CHSY1: variants seen among roughly 807,000 people sequenced by gnomAD.
The protein encoded by CHSY1 is N-acetylgalactosaminyl-proteoglycan 3-beta-glucuronosyltransferase 1.
CHSY1 carries 13 observed loss-of-function variants against 59.8 expected under a neutral mutation model. The ratio of observed to expected loss-of-function variants is 0.22; its 90% CI spans 0.14 to 0.35. The LOEUF (loss-of-function observed/expected upper bound fraction) is 0.35. Among genes scored for constraint, CHSY1 ranks in the 10% least tolerant of loss-of-function variants. CHSY1 has a pLI of 1.00. For synonymous variants in CHSY1, 459 were observed against 401.2 expected (o/e 1.14, Z -1.72); for missense variants, 947 against 1,030.6 (o/e 0.92, Z 1.11).
At chr15:101,243,505 AAC>A (rs1020239635) in intron 1 of CHSY1, among the ~76,000 whole-genome samples, 5 of 152,068 alleles carry the variant, frequency 3.3e-5, no homozygotes, top group African/African-American at 1.2e-4. Context: ...AGCCCACCTA[AAC>A]ACAGTCACCA....
Position 101,176,379 on chromosome 15 carries a change from T to C in CHSY1, c.*1009A>G, listed in dbSNP as rs2038188524. The C allele has an allele frequency of 5.0e-6, 2 of 398,530 alleles. No homozygotes were observed. The highest frequency in any genetic ancestry group is 8.8e-6 in the Non-Finnish European group (2 of 226,054). 24.7% of individuals were successfully genotyped at this position (398,530 alleles called of 1,614,324 possible). A position where few individuals can be genotyped will look rare whatever the true frequency, so the allele number is the denominator to read the frequency against. ...GTTTTGATTAGGGTGTATGTGTGTA[T>C]GTTTCAGTCTGTGTACATCAGATTT... On this transcript the variant is annotated 3_prime_UTR_variant, in exon 3 of 3. Coordinates refer to ENST00000254190, the MANE Select transcript of CHSY1 (RefSeq NM_014918.5).
chr15:101,229,450 T>C (rs2038871875), intron 2 of CHSY1, among the ~76,000 whole-genome samples: 1 of 152,102 alleles, frequency 6.6e-6, no homozygotes. Context: ...CAGACAAAAA[T>C]TGTTACTAGA....
chr15:101,177,301 T>TAA lies in CHSY1; in HGVS notation c.*86_*87insTT. The TAA allele has an allele frequency of 7.9e-7, 1 of 1,262,334 alleles. No individual in the cohort carries two copies. 78.2% of individuals were successfully genotyped at this position (1,262,334 alleles called of 1,614,324 possible). A position where few individuals can be genotyped will look rare whatever the true frequency, so the allele number is the denominator to read the frequency against. On this transcript the variant is annotated 3_prime_UTR_variant, in exon 3 of 3. Transcript: ENST00000254190. ...AAACCACTTGTAAAATATATCCTTG[T>TAA]ATACGGACTTCAAAAACTGATCATA...
At chr15:101,212,031 C>T (rs2038687520) in intron 2 of CHSY1, among the ~76,000 whole-genome samples, 1 of 151,906 alleles carries the variant, frequency 6.6e-6, no homozygotes, top group Admixed American at 6.6e-5. Context: ...AAAAGACAGG[C>T]ACATGATCAA....
At chr15:101,236,241 C>A (rs942339575) in intron 1 of CHSY1, among the ~76,000 whole-genome samples, 2 of 152,144 alleles carry the variant, frequency 1.3e-5, no homozygotes, top group South Asian at 4.1e-4. Context: ...AAGGCTGATA[C>A]GGTTTGGCTG....
intron 2 of CHSY1, among the ~76,000 whole-genome samples, chr15:101,216,458 C>G (rs1403332374): frequency 2.0e-5 from 3 of 152,200 alleles, no homozygotes; most frequent in African/African-American, 7.2e-5. Context: ...TTTATAGCAG[C>G]TTTATTCCTA....
rs555234695 is a variant in CHSY1 at position 101,249,503 on chromosome 15, A to C, written c.320+1634T>G. On this transcript the variant is annotated intron_variant, in intron 1 of 2. Transcript: ENST00000254190. The stretch of plus-strand genomic sequence containing the variant: ...TATGTATCTCTATCTATCGATCGAT[A>C]GATAGAATTTTTTTTTTTTTTTTTT... Among the ~76,000 whole-genome samples, 234 of 144,108 alleles carry C rather than the reference A, an allele frequency of 1.6e-3. 2 individuals carry two copies. Among genetic ancestry groups the C allele is most frequent in the African/African-American group, 5.9e-3 (222 of 37,708 alleles). 94.5% of individuals were successfully genotyped at this position (144,108 alleles called of 152,430 possible).
intron 1 of CHSY1, among the ~76,000 whole-genome samples, chr15:101,243,925 A>G (rs1437325663): frequency 6.6e-6 from 1 of 152,184 alleles, no homozygotes; most frequent in Non-Finnish European, 1.5e-5. Context: ...CTTTGCGCCT[A>G]TGGTCCACCT....
chr15:101,223,906 T>A (rs1413308820), intron 2 of CHSY1, among the ~76,000 whole-genome samples: 1 of 152,272 alleles, frequency 6.6e-6, no homozygotes, highest in Non-Finnish European at 1.5e-5. Context: ...TCCTGGCCCC[T>A]GTAACGATGT....
chr15:101,220,092 A>G (rs548873903), intron 2 of CHSY1, among the ~76,000 whole-genome samples: 2 of 152,218 alleles, frequency 1.3e-5, no homozygotes, highest in Non-Finnish European at 2.9e-5. Flanking sequence ...ACTTTTGATA[A>G]GAATCTCCCA....
chr15:101,188,946 CA>C (rs113716305), intron 2 of CHSY1, among the ~76,000 whole-genome samples: 7 of 147,362 alleles, frequency 4.8e-5, no homozygotes, highest in Admixed American at 2.7e-4. Context: ...ATCGCCTTAA[CA>C]AAAAAAAAAT....
At position 101,177,158 on chromosome 15, in the gene CHSY1, T is replaced by G. The variant is rs1446909416; in HGVS notation, c.*230A>C. ...AAAAAGTTTTGTTCATCAGGTACATTTCAAGTCAAAGTTAAGCAGGTCTGC... is the reference window on the plus strand; with the variant it reads ...AAAAAGTTTTGTTCATCAGGTACATGTCAAGTCAAAGTTAAGCAGGTCTGC... On this transcript the variant is annotated 3_prime_UTR_variant, in exon 3 of 3. Transcript: ENST00000254190. The G allele has an allele frequency of 6.6e-6, 3 of 456,344 alleles. No homozygotes were observed. The highest frequency in any genetic ancestry group is 7.7e-6 in the Non-Finnish European group (2 of 259,048). 28.3% of individuals were successfully genotyped at this position (456,344 alleles called of 1,614,324 possible).
chr15:101,251,078 G>C, intron 1 of CHSY1, 59 bp downstream of exon 1: 1 of 1,483,138 alleles, frequency 6.7e-7, no homozygotes, highest in Non-Finnish European at 9.1e-7. Flanking sequence ...AGAGCACCCG[G>C]GATGCCGGCC....
chr15:101,232,300 A>G (rs1202996739), intron 2 of CHSY1, among the ~76,000 whole-genome samples: 3 of 152,254 alleles, frequency 2.0e-5, no homozygotes, highest in Admixed American at 2.0e-4. Context: ...GGGAAACTAG[A>G]TTTACAGGAA....
chr15:101,192,219 T>C (rs1465016994), intron 2 of CHSY1, among the ~76,000 whole-genome samples: 3 of 152,220 alleles, frequency 2.0e-5, no homozygotes, highest in Admixed American at 2.0e-4. Flanking sequence ...CTCTAAGTAC[T>C]TGCTGAATAA....
At chr15:101,193,958 G>A (rs919495199) in intron 2 of CHSY1, among the ~76,000 whole-genome samples, 3 of 152,202 alleles carry the variant, frequency 2.0e-5, no homozygotes, top group Admixed American at 1.3e-4. Flanking sequence ...GGCCATCAGC[G>A]TGGATTTCCA....
intron 2 of CHSY1, among the ~76,000 whole-genome samples, chr15:101,204,920 A>G (rs909565084): frequency 6.6e-6 from 1 of 152,054 alleles, no homozygotes; most frequent in Non-Finnish European, 1.5e-5. Flanking sequence ...CACACACACA[A>G]AAAAGACCAT....
chr15:101,230,246 T>C (rs906787115), intron 2 of CHSY1, among the ~76,000 whole-genome samples: 2 of 152,128 alleles, frequency 1.3e-5, no homozygotes, highest in Non-Finnish European at 2.9e-5. Context: ...CTACTTTTGA[T>C]AATGGATAGA....
At chr15:101,246,365 TTTTTTA>T (rs1161372844) in intron 1 of CHSY1, among the ~76,000 whole-genome samples, 9 of 77,798 alleles carry the variant, frequency 1.2e-4, no homozygotes, top group Non-Finnish European at 3.5e-4. Context: ...GCTTTTTTTT[TTTTTTA>T]ATCAAAACGT....
Sources: allele counts gnomAD v4.1 joint callset (sites outside exome capture counted in the v4.1 genomes callset), GRCh38; gene constraint gnomAD v4.1.1; transcripts MANE v1.5; gene names NCBI Gene and HGNC (gene_info 2026-07-23, HGNC 2026-07-21).